The following RUVBL2 variants were observed in gnomAD, a reference collection of about 807,000 sequenced individuals.
RUVBL2 encodes RuvB like AAA ATPase 2.
A neutral mutation model predicts 57.9 loss-of-function variants in RUVBL2; 9 were observed. The observed-to-expected ratio is 0.16, with a 90% CI of 0.09 to 0.27. The LOEUF (loss-of-function observed/expected upper bound fraction) is 0.27, where lower values mean the gene tolerates loss of function less well. Among genes scored for constraint, RUVBL2 ranks in the 10% least tolerant of loss-of-function variants. The pLI is 1.00. For synonymous variants in RUVBL2, 278 were observed against 264.6 expected (o/e 1.05, Z -0.49); for missense variants, 456 against 669.6 (o/e 0.68, Z 3.52).
At chr19:48,993,527 A>G, upstream of RUVBL2, 1 of 442,508 alleles carries the variant, frequency 2.3e-6, no homozygotes, top group Non-Finnish European at 4.2e-6. Context: ...AGTGGCCTTC[A>G]GCTCTGTCAA....
intron 6 of RUVBL2, 139 bp downstream of exon 6, chr19:49,007,507 T>A: frequency 1.5e-6 from 1 of 676,510 alleles, no homozygotes; most frequent in Non-Finnish European, 2.5e-6. Flanking sequence ...ATGCCTACAG[T>A]AGGAGGTCAG....
At chr19:48,998,720 A>AG (rs2039115784) in intron 1 of RUVBL2, among the ~76,000 whole-genome samples, 1 of 149,672 alleles carries the variant, frequency 6.7e-6, no homozygotes, top group African/African-American at 2.5e-5. Flanking sequence ...AAAATAAGAA[A>AG]AAAAAAAAAG....
At chr19:48,995,756 C>T (rs987486049) in intron 1 of RUVBL2, among the ~76,000 whole-genome samples, 3 of 151,708 alleles carry the variant, frequency 2.0e-5, no homozygotes, top group African/African-American at 4.8e-5. Flanking sequence ...GGGGTCGAGG[C>T]GGGCAGGTCA....
At chr19:48,996,774 G>T (rs1040873258) in intron 1 of RUVBL2, among the ~76,000 whole-genome samples, 2 of 152,094 alleles carry the variant, frequency 1.3e-5, no homozygotes, top group Non-Finnish European at 2.9e-5. Flanking sequence ...TGATCCACCT[G>T]CCTTGACCTC....
intron 4 of RUVBL2, among the ~76,000 whole-genome samples, chr19:49,005,568 T>A (rs902404562): frequency 6.6e-6 from 1 of 152,054 alleles, no homozygotes; most frequent in Admixed American, 6.6e-5. Context: ...GGGGACAGCA[T>A]GTCCAGGCCC....
chr19:49,004,242 C>T (rs763255080), intron 3 of RUVBL2, 35 bp from the exon 4 acceptor site: 2 of 1,606,072 alleles, frequency 1.2e-6, no homozygotes, highest in Non-Finnish European at 8.5e-7. Flanking sequence ...GGTAGCCCCA[C>T]AGGAAATCAC....
chr19:49,014,962 TCTG>T (rs1440473430), intron 12 of RUVBL2, 56 bp from the exon 13 acceptor site: 25 of 1,553,406 alleles, frequency 1.6e-5, no homozygotes, highest in Non-Finnish European at 2.0e-5. Flanking sequence ...TGTGGCCACT[TCTG>T]CTGCAGTCAG....
intron 9 of RUVBL2, 148 bp downstream of exon 9, chr19:49,010,759 C>T (rs35881867): frequency 1.5e-5 from 18 of 1,176,836 alleles, no homozygotes; most frequent in East Asian, 2.5e-5. Context: ...CTGTTCTCCA[C>T]CTGCAAGTCC....
intron 4 of RUVBL2, 136 bp downstream of exon 4, chr19:49,004,554 G>C: frequency 1.2e-6 from 1 of 856,316 alleles, no homozygotes; most frequent in Non-Finnish European, 1.8e-6. Flanking sequence ...ATTCATTCTT[G>C]CCCATGGAAG....
At position 49,011,033 on chromosome 19, in the gene RUVBL2, G is replaced by A. The variant is rs766820341; in HGVS notation, c.822G>A (p.Glu274=). ...GGGAGATCAAGTCAGAAGTCCGTGA[G>A]CAGATCAATGCCAAGGTGGCTGAGT... ...DTGEIKSEVR[E]QINAKVAEWR... The change falls in exon 10 of 15, where the codon GAG becomes GAA. Residue 274 remains glutamate (E), a synonymous_variant. Transcript: ENST00000595090. The surrounding 1 kb of genome is among the most constrained non-coding windows in gnomAD (Gnocchi z 4.4). 1 of 1,613,166 alleles carries A rather than the reference G, an allele frequency of 6.2e-7. No individual in the cohort carries two copies. Among genetic ancestry groups the A allele is most frequent in the South Asian group, 1.1e-5 (1 of 90,684 alleles).
chr19:49,011,207 G>A lies in RUVBL2; in HGVS notation c.898G>A (p.Glu300Lys). Residue 300 changes from glutamate to lysine, a missense_variant, in exon 11 of 15, where the codon GAG (glutamate) becomes AAG (lysine). Around this residue, in one of 5 missense-constraint regions of RUVBL2, gnomAD observed 130 missense variants for 243.0 expected, o/e 0.53. Coordinates refer to ENST00000595090, the MANE Select transcript of RUVBL2 (RefSeq NM_006666.3). This position sits in a 1 kb window ranked among gnomAD's most constrained non-coding sequence, Gnocchi z 4.4. ...EIIPGVLFID[E>K]VHMLDIESFS... ...CCAATCCAAGGTGCTGTTCATCGAC[G>A]AGGTCCACATGCTGGACATCGAGAG... 6.2e-7 allele frequency: 1 copy of A among 1,613,928 alleles called. No homozygotes were observed. Among genetic ancestry groups the A allele is most frequent in the Non-Finnish European group, 8.5e-7 (1 of 1,180,024 alleles).
At position 49,011,075 on chromosome 19, in the gene RUVBL2, G is replaced by A. The variant is rs1229203231; in HGVS notation, c.864G>A (p.Lys288=). 1.9e-6 allele frequency: 3 copies of A among 1,613,398 alleles called. No individual in the cohort carries two copies. Among genetic ancestry groups the A allele is most frequent in the East Asian group, 4.5e-5 (2 of 44,860 alleles). ...AKVAEWREEG[K]AEIIPGVLFI... ...TGGCTGAGTGGCGCGAGGAGGGCAAGGCGGAGATCATCCCTGGAGTGAGGA... is the reference window on the plus strand; with the variant it reads ...TGGCTGAGTGGCGCGAGGAGGGCAAAGCGGAGATCATCCCTGGAGTGAGGA... The change falls in exon 10 of 15, where the codon AAG becomes AAA. Residue 288 remains lysine (K), a synonymous_variant. Coordinates refer to ENST00000595090, the MANE Select transcript of RUVBL2 (RefSeq NM_006666.3). This position sits in a 1 kb window ranked among gnomAD's most constrained non-coding sequence, Gnocchi z 4.4.
At chr19:49,014,333 T>G (rs1164751192) in intron 11 of RUVBL2, 151 bp from the exon 12 acceptor site, 2 of 863,956 alleles carry the variant, frequency 2.3e-6, no homozygotes, top group African/African-American at 1.7e-5. Context: ...TCATCAGGGG[T>G]GATGTCATCA....
chr19:49,010,482 C>CCCCCCAA lies in RUVBL2; in HGVS notation c.664-5_664-4insCCCCAAC. 6.2e-7 allele frequency: 1 copy of CCCCCCAA among 1,605,468 alleles called. No individual in the cohort carries two copies. Among genetic ancestry groups the CCCCCCAA allele is most frequent in the South Asian group, 1.1e-5 (1 of 90,832 alleles). On this transcript the variant is annotated splice_polypyrimidine_tract_variant and splice_region_variant and intron_variant, in intron 8 of 14. Transcript: ENST00000595090. Reference sequence around the variant, plus strand: ...CCGCCGTTCTTCCCCCACCCCCGCCCCATAGACCAAGTTCGTGCAGTGCCC... The same window carrying CCCCCCAA: ...CCGCCGTTCTTCCCCCACCCCCGCCCCCCCCAACATAGACCAAGTTCGTGCAGTGCCC...
In RUVBL2 at chr19:49,015,894, T is replaced by C. The variant is rs746428805; in HGVS notation, c.*52T>C. ...CTGTTTTCCACCAGAGTTCTGACAC[T>C]GTGACTCTGTATAAAATGGTTGGGA... On this transcript the variant is annotated 3_prime_UTR_variant, in exon 15 of 15. Coordinates refer to ENST00000595090, the MANE Select transcript of RUVBL2 (RefSeq NM_006666.3). 2.0e-5 allele frequency: 33 copies of C among 1,613,842 alleles called. No individual in the cohort carries two copies. The highest frequency in any genetic ancestry group is 8.9e-5 in the East Asian group (4 of 44,892).
chr19:49,015,197 GAC>G, intron 13 of RUVBL2, 47 bp downstream of exon 13: 9 of 1,588,826 alleles, frequency 5.7e-6, no homozygotes, highest in African/African-American at 1.3e-5. Context: ...GGCAGTGAGT[GAC>G]ACAGTACTTC....
intron 2 of RUVBL2, 104 bp from the exon 3 acceptor site, chr19:49,003,175 C>CAAAA: frequency 2.3e-6 from 2 of 864,928 alleles, no homozygotes; most frequent in Non-Finnish European, 1.9e-6. Flanking sequence ...TCCCTACTCC[C>CAAAA]ACCCACCCCT....
At chr19:49,014,028 G>A (rs1278166249) in intron 11 of RUVBL2, among the ~76,000 whole-genome samples, 1 of 152,256 alleles carries the variant, frequency 6.6e-6, no homozygotes, top group East Asian at 1.9e-4. Context: ...GCCTAACCCT[G>A]TATTCCAGTA....
At chr19:49,003,150 T>TC in intron 2 of RUVBL2, 129 bp from the exon 3 acceptor site, 1 of 799,956 alleles carries the variant, frequency 1.3e-6, no homozygotes, top group Admixed American at 1.9e-5. Flanking sequence ...GCCCCTTCAT[T>TC]CCCCCAACCC....
Sources: allele counts gnomAD v4.1 joint callset (sites outside exome capture counted in the v4.1 genomes callset), GRCh38; gene constraint gnomAD v4.1.1; regional missense constraint gnomAD v4.1.1; non-coding constraint Gnocchi (gnomAD v3.1); transcripts MANE v1.5; gene names NCBI Gene and HGNC (gene_info 2026-07-23, HGNC 2026-07-21).